PTCH1: variants seen among roughly 807,000 people sequenced by gnomAD.
PTCH1 encodes protein patched homolog 1.
Under a neutral mutation model 144.6 loss-of-function variants are expected in PTCH1, and 14 were observed. The ratio of observed to expected loss-of-function variants is 0.10; its 90% CI spans 0.06 to 0.15. The LOEUF (loss-of-function observed/expected upper bound fraction) is 0.15. PTCH1 is among the 10% of genes least tolerant of loss of function. The pLI is 1.00. For synonymous variants in PTCH1, 833 were observed against 793.6 expected (o/e 1.05, Z -0.83); for missense variants, 1,623 against 1,948.3 (o/e 0.83, Z 3.14).
At chr9:95,484,165 T>C (rs1232489760) in intron 3 of PTCH1, 2 of 152,246 alleles carry the variant, frequency 1.3e-5, no homozygotes, top group Non-Finnish European at 2.9e-5. Context: ...TAAGAATGCA[T>C]TGGCCATGCT....
At position 95,476,535 on chromosome 9, in the gene PTCH1, G is replaced by A. The variant is rs1052713674; in HGVS notation, c.1602+224C>T. 2.6e-5 allele frequency among the ~76,000 whole-genome samples: 4 copies of A among 152,120 alleles called. No homozygotes were observed. On this transcript the variant is annotated intron_variant, in intron 11 of 23. Transcript: ENST00000331920. The surrounding 1 kb of genome is among the most constrained non-coding windows in gnomAD (Gnocchi z 4.6). ...AAGTGTCACATTAAAACAAACACCC[G>A]TATTCCTAAAGGCACCCGAGATGCA...
chr9:95,452,605 T>C (rs1838561116), intron 20 of PTCH1: 1 of 152,242 alleles, frequency 6.6e-6, no homozygotes, highest in South Asian at 2.1e-4. Flanking sequence ...TGTTCTTTTA[T>C]ATTTCACAAA....
Position 95,485,754 on chromosome 9 carries a change from G to A in PTCH1, c.515C>T (p.Thr172Ile), listed in dbSNP as rs1841915348. The part of the protein sequence containing the change: ...PKEEGANVLT[T>I]EALLQHLDSA... ...GTCCAGGTGTTGTAGGAGCGCTTCTGTGGTCAGGACATTAGCACCTTCTTC... is the reference window on the plus strand; with the variant it reads ...GTCCAGGTGTTGTAGGAGCGCTTCTATGGTCAGGACATTAGCACCTTCTTC... The change falls in exon 3 of 24, where the codon ACA becomes ATA. Residue 172 changes from threonine to isoleucine, a missense_variant. By Grantham distance (89) the Thr-to-Ile change is moderately conservative. Transcript: ENST00000331920. The A allele has an allele frequency of 1.2e-6, 2 of 1,614,210 alleles. No homozygotes were observed. The highest frequency in any genetic ancestry group is 1.7e-6 in the Non-Finnish European group (2 of 1,180,046).
In PTCH1 at chr9:95,485,913, C is replaced by T. The variant is rs1035347774; in HGVS notation, c.395-39G>A. The T allele has an allele frequency of 2.5e-6, 4 of 1,607,330 alleles. No individual in the cohort carries two copies. In the African/African-American group the frequency reaches 5.3e-5, roughly 21 times the overall value. ...ACAGGTTTAATTAGAATAGCAAAAT[C>T]ACTGCAAACTCATGTTTTATCTGTT... is the stretch of plus-strand genomic sequence containing the variant. On this transcript the variant is annotated intron_variant, in intron 2 of 23. Coordinates refer to ENST00000331920, the MANE Select transcript of PTCH1 (RefSeq NM_000264.5).
intron 12 of PTCH1, among the ~76,000 whole-genome samples, chr9:95,475,447 G>A (rs1305612594): frequency 6.6e-6 from 1 of 152,156 alleles, no homozygotes; most frequent in South Asian, 2.1e-4. Context: ...GATTGTGGCG[G>A]CCAACTTAGG....
intron 13 of PTCH1, 93 bp from the exon 14 acceptor site, chr9:95,469,246 A>G: frequency 1.3e-6 from 2 of 1,506,370 alleles, no homozygotes; most frequent in Admixed American, 1.7e-5. Flanking sequence ...GAGAATACCC[A>G]TTTTACACAG....
Position 95,447,277 on chromosome 9 carries a change from T to C in PTCH1, c.3979A>G (p.Thr1327Ala), listed in dbSNP as rs761753681. 5.0e-6 allele frequency: 8 copies of C among 1,612,882 alleles called. No individual in the cohort carries two copies. Among genetic ancestry groups the C allele is most frequent in the Non-Finnish European group, 6.8e-6 (8 of 1,179,894 alleles). Residue 1327 changes from threonine to alanine, a missense_variant, in exon 23 of 24, where the codon ACT becomes GCT. By Grantham distance (58) the Thr-to-Ala change is moderately conservative. Coordinates refer to ENST00000331920, the MANE Select transcript of PTCH1 (RefSeq NM_000264.5). ...RPRRDAFEIS[T>A]EGHSGPSNRA... ...TTGCTAGGGCCAGAATGCCCTTCAG[T>C]AGAAATTTCAAAAGCGTCTCTGCGC... is the stretch of plus-strand genomic sequence containing the variant.
At chr9:95,513,797 CCTT>C (rs541037362), upstream of PTCH1, among the ~76,000 whole-genome samples, 139 of 152,286 alleles carry the variant, frequency 9.1e-4, no homozygotes, top group Admixed American at 2.6e-3. Flanking sequence ...CTCCCTTCCA[CCTT>C]CTGTTTCCTC....
At chr9:95,494,232 T>A in intron 2 of PTCH1, 1 of 985,566 alleles carries the variant, frequency 1.0e-6, no homozygotes, top group Non-Finnish European at 1.2e-6. Context: ...CCCAGGCTGC[T>A]CCCTCTGAAT....
At chr9:95,500,772 C>T (rs1843093925) in intron 2 of PTCH1, among the ~76,000 whole-genome samples, 1 of 152,162 alleles carries the variant, frequency 6.6e-6, no homozygotes, top group Admixed American at 6.5e-5. Flanking sequence ...GCTGTTATTT[C>T]AATATGCACA....
chr9:95,507,160 G>C (rs1053580788), intron 1 of PTCH1: 1 of 985,464 alleles, frequency 1.0e-6, no homozygotes, highest in Non-Finnish European at 1.2e-6. Context: ...CACTCCCGAC[G>C]CATTTCCATA....
intron 2 of PTCH1, among the ~76,000 whole-genome samples, chr9:95,500,196 T>C (rs1843058274): frequency 6.6e-6 from 1 of 152,096 alleles, no homozygotes; most frequent in Non-Finnish European, 1.5e-5. Flanking sequence ...CGGCATCCTA[T>C]GTATCTGAAA....
At chr9:95,507,974 G>A (rs1386911213) in intron 1 of PTCH1, 187 bp downstream of exon 1, 3 of 1,489,702 alleles carry the variant, frequency 2.0e-6, no homozygotes, top group African/African-American at 1.4e-5. Context: ...TTCCTCCCAG[G>A]ACCAGAGGGA....
At chr9:95,516,493 C>T (rs1250722919) in exon 1 of PTCH1, 1 of 1,535,066 alleles carries the variant, frequency 6.5e-7, no homozygotes, top group Non-Finnish European at 8.7e-7. Flanking sequence ...AACCCCTGCT[C>T]GGAGCGCGGG....
At chr9:95,500,848 T>C (rs892526130) in intron 2 of PTCH1, among the ~76,000 whole-genome samples, 5 of 152,244 alleles carry the variant, frequency 3.3e-5, no homozygotes, top group African/African-American at 1.2e-4. Context: ...TTCAGGCTAC[T>C]GGGGTTGAGG....
In PTCH1 at chr9:95,503,739, G is replaced by A. The variant is rs1466882898; in HGVS notation, c.394+2668C>T. Reference sequence around the variant, plus strand: ...CATGTTATAAAAACAAAATAGGGCCGGGCGCGGTGGCTCACGCCTGTAATC... The same window carrying A: ...CATGTTATAAAAACAAAATAGGGCCAGGCGCGGTGGCTCACGCCTGTAATC... On this transcript the variant is annotated intron_variant, in intron 2 of 23. Transcript: ENST00000331920. 1.0e-4 allele frequency among the ~76,000 whole-genome samples: 6 copies of A among 58,070 alleles called. 1 individual carries two copies. The highest frequency in any genetic ancestry group is 2.3e-4 in the Admixed American group (2 of 8,820). The allele number at this position is 58,070 out of a possible 152,430, so 38.1% of individuals were successfully genotyped here.
At chr9:95,511,691 A>G (rs560490208), upstream of PTCH1, among the ~76,000 whole-genome samples, 6 of 152,348 alleles carry the variant, frequency 3.9e-5, no homozygotes, top group African/African-American at 1.4e-4. Flanking sequence ...TTCATCTTTG[A>G]GTACGATCCT....
chr9:95,496,079 G>A (rs368108504), intron 2 of PTCH1, among the ~76,000 whole-genome samples: 3 of 152,068 alleles, frequency 2.0e-5, no homozygotes, highest in South Asian at 4.1e-4. Context: ...AAGCTTTGGC[G>A]GCCCTGACCT....
At chr9:95,505,909 G>C (rs1286229811) in intron 2 of PTCH1, among the ~76,000 whole-genome samples, 6 of 144,420 alleles carry the variant, frequency 4.2e-5, no homozygotes, top group Non-Finnish European at 9.2e-5. Flanking sequence ...CCAGCGCGGC[G>C]GCCGCGGCCG....
Sources: gnomAD v4.1 joint callset for allele counts (sites outside exome capture counted in the v4.1 genomes callset) on GRCh38, gnomAD v4.1.1 for gene constraint, Gnocchi (gnomAD v3.1) non-coding constraint, MANE v1.5 for transcripts, NCBI Gene and HGNC (gene_info 2026-07-23, HGNC 2026-07-21) for gene names.